The following SPATA13 variants were observed in gnomAD, a reference collection of about 807,000 sequenced individuals.
The protein encoded by SPATA13 is spermatogenesis associated 13, also known as spermatogenesis-associated protein 13.
SPATA13 carries 50 observed loss-of-function variants against 104.0 expected under a neutral mutation model. The ratio of observed to expected loss-of-function variants is 0.48; its 90% CI spans 0.38 to 0.61. The LOEUF (loss-of-function observed/expected upper bound fraction) is 0.61. SPATA13 is among the 20% of genes least tolerant of loss of function. The pLI is 0.00. For missense variants in SPATA13, 1,524 were observed against 1,690.6 expected, an observed-to-expected ratio of 0.90 and a Z score of 1.73; for synonymous variants, 606 against 667.5, an observed-to-expected ratio of 0.91 and a Z score of 1.42.
At chr13:24,275,442 CAG>C (rs1418866866) in intron 4 of SPATA13, among the ~76,000 whole-genome samples, 9 of 152,312 alleles carry the variant, frequency 5.9e-5, no homozygotes, top group African/African-American at 2.2e-4. Context: ...TGTCCCCAGT[CAG>C]AGAGGCGCTG....
At chr13:23,997,069 T>C (rs557167360) in intron 2 of SPATA13, among the ~76,000 whole-genome samples, 1 of 152,352 alleles carries the variant, frequency 6.6e-6, no homozygotes, top group Non-Finnish European at 1.5e-5. Context: ...GGGCTTCTAA[T>C]CACTCTTGTA....
chr13:24,156,135 TA>T (rs1381999094), upstream of SPATA13, among the ~76,000 whole-genome samples: 5 of 152,224 alleles, frequency 3.3e-5, no homozygotes, highest in Non-Finnish European at 5.9e-5. Context: ...ATACTGCTGC[TA>T]TGAAAGTGGG....
intron 4 of SPATA13, among the ~76,000 whole-genome samples, chr13:24,274,040 TG>T (rs1874800930): frequency 6.6e-6 from 1 of 151,960 alleles, no homozygotes; most frequent in African/African-American, 2.4e-5. Flanking sequence ...CTGTTTTGGG[TG>T]GGAAAGTTGC....
At chr13:23,985,450 C>T (rs1178486794) in intron 2 of SPATA13, among the ~76,000 whole-genome samples, 4 of 152,226 alleles carry the variant, frequency 2.6e-5, no homozygotes, top group Non-Finnish European at 4.4e-5. Context: ...ACCTGGGTCT[C>T]CTGCATGTTC....
intron 1 of SPATA13, among the ~76,000 whole-genome samples, chr13:24,188,340 AT>A (rs1259175251): frequency 0.018 from 915 of 51,088 alleles, 8 homozygotes; most frequent in African/African-American, 0.033. Flanking sequence ...TCCAAAAAAA[AT>A]AATAAAAAAA....
chr13:24,222,854 G>C lies in SPATA13; in HGVS notation c.-76G>C, dbSNP rs1365305240. 8 of 1,538,014 alleles carry C rather than the reference G, an allele frequency of 5.2e-6. No homozygotes were observed. The highest frequency in any genetic ancestry group is 6.1e-6 in the Non-Finnish European group (7 of 1,138,794). On this transcript the variant is annotated 5_prime_UTR_variant, in exon 2 of 13. Coordinates refer to ENST00000382108, the MANE Select transcript of SPATA13 (RefSeq NM_001166271.3). ...CCCAGGAGCCCGATGTGCAAGGCAGGTGTGAGTGCCAGGACGGCATTCCTG... is the reference window on the plus strand; with the variant it reads ...CCCAGGAGCCCGATGTGCAAGGCAGCTGTGAGTGCCAGGACGGCATTCCTG...
chr13:24,225,658 C>G (rs1871892637), intron 2 of SPATA13, among the ~76,000 whole-genome samples: 1 of 152,226 alleles, frequency 6.6e-6, no homozygotes, highest in Non-Finnish European at 1.5e-5. Flanking sequence ...CTTCCTGTTG[C>G]ATGTTGCAGC....
chr13:24,208,453 C>G (rs2901979), intron 1 of SPATA13, among the ~76,000 whole-genome samples: 139,910 of 152,256 alleles, frequency 0.92, 65,505 homozygotes, highest in East Asian at 1. Flanking sequence ...TCCTAGCACT[C>G]CAGTGAGTGA....
At chr13:24,131,455 C>T (rs1881387488) in intron 3 of SPATA13, among the ~76,000 whole-genome samples, 1 of 152,236 alleles carries the variant, frequency 6.6e-6, no homozygotes, top group East Asian at 1.9e-4. Flanking sequence ...TCTTGTTTAC[C>T]TCAGAATCCT....
intron 1 of SPATA13, among the ~76,000 whole-genome samples, chr13:24,214,950 A>G (rs1871200366): frequency 1.3e-5 from 2 of 152,218 alleles, no homozygotes; most frequent in African/African-American, 2.4e-5. Flanking sequence ...TGAGCATCTG[A>G]CATATTTAAA....
intron 2 of SPATA13, among the ~76,000 whole-genome samples, chr13:24,008,873 C>T (rs1224346359): frequency 6.6e-6 from 1 of 152,216 alleles, no homozygotes; most frequent in Non-Finnish European, 1.5e-5. Context: ...AGGCCCCAGA[C>T]AGCCATTCAG....
intron 1 of SPATA13, among the ~76,000 whole-genome samples, chr13:24,181,218 T>TA (rs540247081): frequency 7.2e-4 from 109 of 152,360 alleles, no homozygotes; most frequent in African/African-American, 2.1e-3. Context: ...TTCGCTGCTC[T>TA]AAACTTTAGA....
chr13:24,284,156 A>C lies in SPATA13; in HGVS notation c.2186A>C (p.Glu729Ala). 6.2e-7 allele frequency: 1 copy of C among 1,613,516 alleles called. No homozygotes were observed. Among genetic ancestry groups the C allele is most frequent in the Non-Finnish European group, 8.5e-7 (1 of 1,179,640 alleles). Residue 729 changes from glutamate to alanine, a missense_variant, in exon 5 of 13, where the codon GAG becomes GCG. Transcript: ENST00000382108. ...TTAGTTTCTTCAGATGGAGGTACTG[A>C]GCCCTCTGCCTTAGTGGATGACAAC... ...ASNVSSDGGT[E>A]PSALVDDNGS...
Position 24,286,258 on chromosome 13 carries a change from C to A in SPATA13, c.2346C>A (p.Asp782Glu). ...GNVVCAEALW[D>E]HVTMDDQELG... ...TGGTCTGCGCAGAAGCCCTGTGGGA[C>A]CATGTGACCATGGATGACCAGGAAC... is the stretch of plus-strand genomic sequence containing the variant. Residue 782 changes from aspartate to glutamate, a missense_variant, in exon 6 of 13, where the codon GAC becomes GAA. This residue lies in a region of SPATA13 where 1,089 missense variants were observed against 1,135.9 expected (regional missense o/e 0.96). Transcript: ENST00000382108. This position sits in a 1 kb window ranked among gnomAD's most constrained non-coding sequence, Gnocchi z 4.9. 1.9e-6 allele frequency: 3 copies of A among 1,613,980 alleles called. No individual in the cohort carries two copies. The highest frequency in any genetic ancestry group is 2.5e-6 in the Non-Finnish European group (3 of 1,179,996).
intron 3 of SPATA13, among the ~76,000 whole-genome samples, chr13:24,144,397 G>A (rs1226028347): frequency 6.6e-6 from 1 of 152,166 alleles, no homozygotes; most frequent in East Asian, 1.9e-4. Flanking sequence ...GACAAGATGA[G>A]CGAATGAAAC....
At chr13:24,293,892 G>A (rs995887107) in intron 9 of SPATA13, among the ~76,000 whole-genome samples, 2 of 152,194 alleles carry the variant, frequency 1.3e-5, no homozygotes, top group Non-Finnish European at 2.9e-5. Context: ...CCATGGCTGC[G>A]CAGGAGGATT....
Position 24,224,099 on chromosome 13 carries a change from C to G in SPATA13, c.1170C>G (p.Ala390=). The change falls in exon 2 of 13, where the codon GCC becomes GCG. Residue 390 remains alanine, a synonymous_variant. Coordinates refer to ENST00000382108, the MANE Select transcript of SPATA13 (RefSeq NM_001166271.3). ...GGACCACTGCAACCTGCACCGTGGC[C>G]CCCGGTTTCGGCTCAGCCACCTCTA... ...MHGTTATCTV[A]PGFGSATSKG... The G allele has an allele frequency of 1.3e-6, 2 of 1,551,432 alleles. No homozygotes were observed. The highest frequency in any genetic ancestry group is 1.7e-6 in the Non-Finnish European group (2 of 1,146,974).
At position 24,207,107 on chromosome 13, in the gene SPATA13, T is replaced by C. The variant is rs566885017; in HGVS notation, c.-111-15712T>C. Among the ~76,000 whole-genome samples the C allele has an allele frequency of 2.0e-5, 3 of 152,224 alleles. No homozygotes were observed. The East Asian group carries it at 5.8e-4, about 29-fold the overall frequency. ...TTGGAAGCCATTATCCTCAGCAAAC[T>C]AAAGCAGGAATAGAAAACCAAATAC... On this transcript the variant is annotated intron_variant, in intron 1 of 12. Transcript: ENST00000382108.
chr13:24,164,276 C>T (rs1174602759), intron 1 of SPATA13, among the ~76,000 whole-genome samples: 1 of 152,218 alleles, frequency 6.6e-6, no homozygotes, highest in Non-Finnish European at 1.5e-5. Context: ...TTTCTGTTGG[C>T]CTCTGCTGTA....
Sources: gnomAD v4.1 joint callset for allele counts (sites outside exome capture counted in the v4.1 genomes callset) on GRCh38, gnomAD v4.1.1 for gene constraint, gnomAD v4.1.1 regional missense constraint, Gnocchi (gnomAD v3.1) non-coding constraint, MANE v1.5 for transcripts, NCBI Gene and HGNC (gene_info 2026-07-23, HGNC 2026-07-21) for gene names.